IL1RAPL1: variants seen among roughly 807,000 people sequenced by gnomAD.
The protein encoded by IL1RAPL1 is interleukin-1 receptor accessory protein-like 1.
IL1RAPL1 carries 3 observed loss-of-function variants against 48.4 expected under a neutral mutation model. The ratio of observed to expected loss-of-function variants is 0.06; its 90% CI spans 0.03 to 0.16. The LOEUF (loss-of-function observed/expected upper bound fraction) is 0.16, where lower values mean the gene tolerates loss of function less well. Ranked by LOEUF, IL1RAPL1 falls within the 10% of genes least tolerant of loss-of-function variation. IL1RAPL1 has a pLI of 1.00. For synonymous variants in IL1RAPL1, 185 were observed against 187.7 expected, an observed-to-expected ratio of 0.99 and a Z score of 0.12; for missense variants, 349 against 530.6, an observed-to-expected ratio of 0.66 and a Z score of 3.36.
chrX:29,698,272 G>A (rs1926966435), intron 6 of IL1RAPL1, among the ~76,000 whole-genome samples: 1 of 108,378 alleles, frequency 9.2e-6, no homozygotes, highest in Non-Finnish European at 1.9e-5. Context: ...CAGGGTTTAA[G>A]CGATTCTCCT....
intron 5 of IL1RAPL1, among the ~76,000 whole-genome samples, chrX:29,551,249 A>C (rs963176160): frequency 8.9e-6 from 1 of 112,173 alleles, no homozygotes; most frequent in Non-Finnish European, 1.9e-5. Context: ...TGTCTTGGCT[A>C]TTGTGAATAG....
intron 6 of IL1RAPL1, among the ~76,000 whole-genome samples, chrX:29,676,614 T>A (rs1926292421): frequency 8.9e-6 from 1 of 111,900 alleles, no homozygotes; most frequent in East Asian, 2.8e-4. Flanking sequence ...TCTCTATTCT[T>A]ATTTAAAGAA....
rs150327432 is a variant in IL1RAPL1, at chrX:29,423,370, A to G, written c.703+24062A>G. Among the ~76,000 whole-genome samples the G allele has an allele frequency of 9.9e-3, 1,116 of 112,238 alleles. 15 individuals are homozygous for G. Among genetic ancestry groups the G allele is most frequent in the African/African-American group, 0.034 (1,057 of 30,938 alleles). ...TGTAGCCCAACCACCTTGGGCATGT[A>G]TTGTCAGGATGTCCTGAGGTTGTGT... On this transcript the variant is annotated intron_variant, in intron 5 of 10. Transcript: ENST00000378993.
At chrX:29,557,731 A>C (rs1328282483) in intron 5 of IL1RAPL1, among the ~76,000 whole-genome samples, 1 of 111,286 alleles carries the variant, frequency 9.0e-6, no homozygotes, top group Non-Finnish European at 1.9e-5. Context: ...TAGGAGTTTT[A>C]ATTTTTAGAT....
intron 5 of IL1RAPL1, among the ~76,000 whole-genome samples, chrX:29,569,728 A>G (rs778057517): frequency 6.3e-5 from 7 of 111,679 alleles, no homozygotes; most frequent in Admixed American, 9.5e-5. Context: ...GCAACTACTT[A>G]TGGTCGCGTT....
intron 2 of IL1RAPL1, among the ~76,000 whole-genome samples, chrX:29,049,460 G>T (rs771501593): frequency 8.9e-6 from 1 of 112,269 alleles, no homozygotes; most frequent in East Asian, 2.8e-4. Flanking sequence ...AGTAAGGAGG[G>T]TGAGGTAAGA....
chrX:29,029,800 A>G (rs943952922), intron 2 of IL1RAPL1, among the ~76,000 whole-genome samples: 2 of 111,961 alleles, frequency 1.8e-5, no homozygotes, highest in Non-Finnish European at 3.8e-5. Context: ...TGTTTTATTT[A>G]CAAAGTCATC....
At chrX:28,965,376 C>CT (rs986817788) in intron 2 of IL1RAPL1, among the ~76,000 whole-genome samples, 2 of 111,000 alleles carry the variant, frequency 1.8e-5, no homozygotes, top group African/African-American at 3.3e-5. Context: ...GAAAGTGAGC[C>CT]TTTTTTCTCT....
intron 2 of IL1RAPL1, among the ~76,000 whole-genome samples, chrX:28,910,802 T>A (rs1480628293): frequency 9.1e-6 from 1 of 109,767 alleles, no homozygotes; most frequent in Non-Finnish European, 1.9e-5. Context: ...GGTCTTTTTT[T>A]AAAACATAAT....
At chrX:29,418,090 A>AATATAT (rs1184407912) in intron 5 of IL1RAPL1, among the ~76,000 whole-genome samples, 2 of 51,049 alleles carry the variant, frequency 3.9e-5, no homozygotes, top group African/African-American at 8.5e-5. Context: ...TTAAAAAAGT[A>AATATAT]ATATATATAT....
intron 2 of IL1RAPL1, among the ~76,000 whole-genome samples, chrX:28,887,239 C>T (rs1056675264): frequency 9.0e-5 from 10 of 111,471 alleles, no homozygotes; most frequent in Non-Finnish European, 1.9e-4. Flanking sequence ...AGCGATCTTG[C>T]TCTTCCTCCT....
At chrX:29,826,001 C>T (rs747775411) in intron 6 of IL1RAPL1, among the ~76,000 whole-genome samples, 16 of 110,830 alleles carry the variant, frequency 1.4e-4, no homozygotes, top group Non-Finnish European at 2.5e-4. Flanking sequence ...AAGTTAATAC[C>T]GCTGCCATTT....
intron 5 of IL1RAPL1, among the ~76,000 whole-genome samples, chrX:29,534,943 T>G (rs745808875): frequency 1.9e-5 from 2 of 106,845 alleles, no homozygotes; most frequent in African/African-American, 6.8e-5. Context: ...CACTCCAGCC[T>G]GGGCGACGAG....
chrX:28,704,444 A>ACACACG (rs1456917519), intron 1 of IL1RAPL1, among the ~76,000 whole-genome samples: 3 of 107,560 alleles, frequency 2.8e-5, no homozygotes, highest in African/African-American at 1.0e-4. Flanking sequence ...ACACACACAC[A>ACACACG]CACACACACA....
intron 2 of IL1RAPL1, among the ~76,000 whole-genome samples, chrX:29,097,202 A>T (rs1042583537): frequency 8.9e-6 from 1 of 111,975 alleles, no homozygotes; most frequent in African/African-American, 3.2e-5. Flanking sequence ...ACGTTCACTA[A>T]ATTTCCTAAG....
At chrX:28,733,054 G>C (rs1308067898) in intron 1 of IL1RAPL1, among the ~76,000 whole-genome samples, 2 of 109,818 alleles carry the variant, frequency 1.8e-5, no homozygotes, top group Admixed American at 2.0e-4. Flanking sequence ...TAATAGTAGT[G>C]ACTATTTCAT....
At chrX:29,920,794 C>CAAAAAAAAAAAAAAAAAAA (rs1176529100) in intron 8 of IL1RAPL1, among the ~76,000 whole-genome samples, 16 of 31,611 alleles carry the variant, frequency 5.1e-4, no homozygotes, top group Non-Finnish European at 5.8e-4. Context: ...GACCCTGTCT[C>CAAAAAAAAAAAAAAAAAAA]AAAAAAAAAA....
At chrX:29,224,389 A>C (rs770249079) in intron 2 of IL1RAPL1, among the ~76,000 whole-genome samples, 86 of 111,762 alleles carry the variant, frequency 7.7e-4, no homozygotes, top group African/African-American at 2.8e-3. Context: ...GTAAAAAAAA[A>C]AAGATGACTT....
At chrX:29,154,793 A>C (rs1929535357) in intron 2 of IL1RAPL1, among the ~76,000 whole-genome samples, 1 of 111,478 alleles carries the variant, frequency 9.0e-6, no homozygotes, top group Admixed American at 9.6e-5. Context: ...ATTCAGCTAT[A>C]AATAAAATTT....
Sources: gnomAD v4.1 joint callset for allele counts (sites outside exome capture counted in the v4.1 genomes callset) on GRCh38, gnomAD v4.1.1 for gene constraint, MANE v1.5 for transcripts, NCBI Gene and HGNC (gene_info 2026-07-23, HGNC 2026-07-21) for gene names.